PSG11: variants seen among roughly 807,000 people sequenced by gnomAD.
PSG11 encodes pregnancy-specific beta-1-glycoprotein 11.
A neutral mutation model predicts 36.0 loss-of-function variants in PSG11; 42 were observed. The observed-to-expected ratio is 1.17, with a 90% confidence interval of 0.91 to 1.51. The LOEUF is 1.51. Among genes scored for constraint, PSG11 ranks in the 40% most tolerant of loss-of-function variants. PSG11 has a pLI of 0.00. For synonymous variants in PSG11, 206 were observed against 153.5 expected, an observed-to-expected ratio of 1.34 and a Z score of -2.53; for missense variants, 558 against 403.5, an observed-to-expected ratio of 1.38 and a Z score of -3.28.
intron 4 of PSG11, among the ~76,000 whole-genome samples, chr19:43,011,100 G>T (rs1415086611): frequency 6.6e-6 from 1 of 150,974 alleles, no homozygotes; most frequent in Admixed American, 6.6e-5. Context: ...GCTAGTGACA[G>T]GTGGATCTGA....
chr19:43,026,192 C>T, intron 1 of PSG11, 117 bp downstream of exon 1: 2 of 1,474,770 alleles, frequency 1.4e-6, no homozygotes, highest in Non-Finnish European at 1.9e-6. Context: ...CCACCCACCT[C>T]AGCCTCCCTA....
chr19:43,008,392 C>A (rs1250148066), intron 5 of PSG11, among the ~76,000 whole-genome samples: 1 of 151,130 alleles, frequency 6.6e-6, no homozygotes, highest in Non-Finnish European at 1.5e-5. Flanking sequence ...TCTGCCTCAG[C>A]CTCCTGAGTA....
intron 4 of PSG11, among the ~76,000 whole-genome samples, chr19:43,013,450 A>G (rs1966884416): frequency 6.6e-6 from 1 of 151,456 alleles, no homozygotes; most frequent in Admixed American, 6.6e-5. Flanking sequence ...TGAACAAAGG[A>G]TTAAAATGGA....
At chr19:43,022,025 A>G (rs1306028125) in intron 2 of PSG11, among the ~76,000 whole-genome samples, 3 of 151,490 alleles carry the variant, frequency 2.0e-5, no homozygotes, top group Non-Finnish European at 2.9e-5. Context: ...TTTATGGTTT[A>G]ACTTTGAAGC....
Position 43,024,693 on chromosome 19 carries a change from T to A in PSG11, c.428A>T (p.Tyr143Phe). The A allele has an allele frequency of 6.2e-7, 1 of 1,610,330 alleles. No homozygotes were observed. Among genetic ancestry groups the A allele is most frequent in the South Asian group, 1.1e-5 (1 of 90,488 alleles). The change falls in exon 2 of 6, where the codon TAC becomes TTC. Residue 143 changes from tyrosine to phenylalanine, a missense_variant and splice_region_variant. Tyr to Phe is a conservative substitution (Grantham distance 22). Transcript: ENST00000320078. The stretch of plus-strand genomic sequence containing the variant: ...AGGGATCATGTGGAATCACTTACGG[T>A]ATAAGGTGAAGGTGAAATATCCAGT... ...GVTGYFTFTLYLETPKPSISS... is the reference protein window; with the variant it reads ...GVTGYFTFTLFLETPKPSISS...
At chr19:43,016,800 C>G (rs1435656153) in intron 3 of PSG11, among the ~76,000 whole-genome samples, 4 of 151,520 alleles carry the variant, frequency 2.6e-5, no homozygotes, top group Non-Finnish European at 4.4e-5. Context: ...AGTTTCCTTT[C>G]CTTCTGCAGA....
chr19:43,012,910 G>C (rs143873267), intron 4 of PSG11, among the ~76,000 whole-genome samples: 6,852 of 151,350 alleles, frequency 0.045, 761 homozygotes, highest in African/African-American at 0.16. Context: ...AATCAATACA[G>C]TGTGGTACTG....
rs146147158 is a variant in PSG11 at position 43,015,204 on chromosome 19, A to G, written c.876T>C (p.Thr292=). 168 of 1,611,020 alleles carry G rather than the reference A, an allele frequency of 1.0e-4. 1 individual carries two copies. Among genetic ancestry groups the G allele is most frequent in the East Asian group, 1.3e-4 (6 of 44,788 alleles). Residue 292 remains threonine (T), a synonymous_variant, in exon 4 of 6, where the codon ACT becomes ACC. Transcript: ENST00000320078. ...AAGCATAGAGCCCATTATGCTTTGG[A>G]GTAATCTGAGGGATAAAGAGCTTTT... is the stretch of plus-strand genomic sequence containing the variant. ...SGQKLFIPQI[T]PKHNGLYACS... is the part of the protein sequence containing the mutation.
chr19:43,024,451 C>A (rs896112119), intron 2 of PSG11: 7 of 594,034 alleles, frequency 1.2e-5, no homozygotes, highest in Admixed American at 3.0e-5. Context: ...CCTGCTGAGT[C>A]CCCCCATCAG....
Position 43,022,200 on chromosome 19 carries a change from G to A in PSG11, c.430+2491C>T, listed in dbSNP as rs1967117746. 2.0e-5 allele frequency among the ~76,000 whole-genome samples: 3 copies of A among 151,526 alleles called. No homozygotes were observed. In the South Asian group the frequency reaches 6.3e-4, roughly 32 times the overall value. On this transcript the variant is annotated intron_variant, in intron 2 of 5. Coordinates refer to ENST00000320078, the MANE Select transcript of PSG11 (RefSeq NM_002785.3). ...ATCCCTGACTGCTGCAATGTCATTTGGCAAGGGTTTACAAAATTTGTAACT... is the reference window on the plus strand; with the variant it reads ...ATCCCTGACTGCTGCAATGTCATTTAGCAAGGGTTTACAAAATTTGTAACT...
intron 1 of PSG11, among the ~76,000 whole-genome samples, chr19:43,025,710 C>A (rs1967230298): frequency 1.0e-5 from 1 of 99,706 alleles, no homozygotes; most frequent in African/African-American, 4.8e-5. Context: ...GTGTTTCATG[C>A]CCTGTTTATT....
At chr19:43,017,992 CAT>C (rs1463380374) in intron 3 of PSG11, among the ~76,000 whole-genome samples, 1 of 151,118 alleles carries the variant, frequency 6.6e-6, no homozygotes, top group African/African-American at 2.4e-5. Context: ...GGAGCAGAAA[CAT>C]ATTCCCTGTC....
intron 3 of PSG11, chr19:43,015,671 G>C (rs1013742114): frequency 6.4e-7 from 1 of 1,552,236 alleles, no homozygotes; most frequent in Non-Finnish European, 8.7e-7. Flanking sequence ...CAAAAGTAAA[G>C]GTGTCTGTAC....
intron 4 of PSG11, among the ~76,000 whole-genome samples, chr19:43,011,843 A>G (rs1356221675): frequency 6.6e-6 from 1 of 150,620 alleles, no homozygotes; most frequent in Admixed American, 6.7e-5. Flanking sequence ...GTGAGCCATA[A>G]TCACACCACT....
chr19:43,024,099 G>A (rs1456828524), intron 2 of PSG11, among the ~76,000 whole-genome samples: 11 of 151,340 alleles, frequency 7.3e-5, no homozygotes, highest in Admixed American at 4.6e-4. Flanking sequence ...TCCACTCTGA[G>A]TGTCAGGTGA....
At chr19:43,009,515 C>A (rs1332778649) in intron 5 of PSG11, among the ~76,000 whole-genome samples, 9 of 151,026 alleles carry the variant, frequency 6.0e-5, no homozygotes, top group Non-Finnish European at 1.3e-4. Flanking sequence ...AGTGTATACC[C>A]CTGGAGATTC....
intron 2 of PSG11, among the ~76,000 whole-genome samples, chr19:43,020,582 G>T (rs1156946474): frequency 2.0e-5 from 3 of 151,374 alleles, no homozygotes; most frequent in Non-Finnish European, 4.4e-5. Flanking sequence ...TCAATTGCTG[G>T]TAGTAGTATT....
chr19:43,018,606 C>G (rs980315993), intron 3 of PSG11, 164 bp downstream of exon 3: 30 of 1,508,600 alleles, frequency 2.0e-5, no homozygotes, highest in Non-Finnish European at 2.6e-5. Context: ...GTGGATCAAG[C>G]CTAGGCCTAC....
chr19:43,018,020 T>G (rs940301757), intron 3 of PSG11, among the ~76,000 whole-genome samples: 3 of 151,168 alleles, frequency 2.0e-5, no homozygotes, highest in Admixed American at 6.6e-5. Context: ...TTTTTGATTT[T>G]CCCTCTCCCT....
Sources: gnomAD v4.1 joint callset for allele counts (sites outside exome capture counted in the v4.1 genomes callset) on GRCh38, gnomAD v4.1.1 for gene constraint, MANE v1.5 for transcripts, NCBI Gene and HGNC (gene_info 2026-07-23, HGNC 2026-07-21) for gene names.